CALD1: variants seen among roughly 807,000 people sequenced by gnomAD.
CALD1 encodes caldesmon 1, also known as caldesmon.
A neutral mutation model predicts 99.9 loss-of-function variants in CALD1; 33 were observed. The ratio of observed to expected loss-of-function variants is 0.33; its 90% CI spans 0.25 to 0.44. The LOEUF is 0.44. Among genes scored for constraint, CALD1 ranks in the 20% least tolerant of loss-of-function variants. CALD1 has a pLI of 1.00. For missense variants in CALD1, 861 were observed against 962.1 expected (o/e 0.89, Z 1.39); for synonymous variants, 310 against 325.0 (o/e 0.95, Z 0.50).
chr7:134,754,622 CATGTGTGTTTT>C (rs1796712458), intron 1 of CALD1, among the ~76,000 whole-genome samples: 2 of 152,300 alleles, frequency 1.3e-5, no homozygotes, highest in South Asian at 4.1e-4. Flanking sequence ...GATATTGCTT[CATGTGTGTTTT>C]ATATAACTGG....
At chr7:134,851,381 A>T (rs1800074517) in intron 2 of CALD1, among the ~76,000 whole-genome samples, 1 of 152,216 alleles carries the variant, frequency 6.6e-6, no homozygotes, top group Non-Finnish European at 1.5e-5. Flanking sequence ...TCTACCTGCA[A>T]ACAGTGTTCC....
chr7:134,720,688 C>T, the CALD1 span, among the ~76,000 whole-genome samples: 1 of 152,164 alleles, frequency 6.6e-6, no homozygotes, highest in Non-Finnish European at 1.5e-5. Context: ...TGCACTCATA[C>T]ATGAGCAAGA....
intron 3 of CALD1, among the ~76,000 whole-genome samples, chr7:134,889,023 T>G (rs1271689362): frequency 6.6e-6 from 1 of 152,196 alleles, no homozygotes; most frequent in Non-Finnish European, 1.5e-5. Flanking sequence ...ATTCTGAATA[T>G]GCCAAAACCA....
chr7:134,872,377 A>AAC (rs1563058517), intron 3 of CALD1, among the ~76,000 whole-genome samples: 2 of 134,710 alleles, frequency 1.5e-5, no homozygotes, highest in Non-Finnish European at 3.2e-5. Flanking sequence ...AAAAAAAAAA[A>AAC]AAAAACTTCC....
At chr7:134,743,150 T>A (rs76570188), upstream of CALD1, among the ~76,000 whole-genome samples, 108 of 152,334 alleles carry the variant, frequency 7.1e-4, no homozygotes, top group East Asian at 0.018. Context: ...CTGCTTTAAG[T>A]GCAGTTGGCG....
chr7:134,794,772 A>G (rs12668775), intron 1 of CALD1, among the ~76,000 whole-genome samples: 42,623 of 152,154 alleles, frequency 0.28, 6,990 homozygotes, highest in East Asian at 0.65. Context: ...TACCATGCCC[A>G]GCCTGCTATA....
intron 1 of CALD1, among the ~76,000 whole-genome samples, chr7:134,764,136 A>G (rs1244199529): frequency 1.3e-5 from 2 of 152,042 alleles, no homozygotes; most frequent in Non-Finnish European, 2.9e-5. Context: ...GGAGGACTGT[A>G]TCATTAGCTC....
intron 1 of CALD1, among the ~76,000 whole-genome samples, chr7:134,756,036 C>T (rs1796724683): frequency 6.6e-6 from 1 of 151,932 alleles, no homozygotes; most frequent in Non-Finnish European, 1.5e-5. Flanking sequence ...AAAATACTAC[C>T]TCTACCACCA....
intron 9 of CALD1, among the ~76,000 whole-genome samples, chr7:134,953,406 G>A (rs1183639079): frequency 6.6e-6 from 1 of 152,078 alleles, no homozygotes; most frequent in Non-Finnish European, 1.5e-5. Flanking sequence ...AACCTGGGAG[G>A]CAGAGGTTAG....
At chr7:134,818,586 G>A (rs1586020148) in intron 1 of CALD1, among the ~76,000 whole-genome samples, 1 of 152,170 alleles carries the variant, frequency 6.6e-6, no homozygotes, top group East Asian at 1.9e-4. Context: ...TCAAAGAAAG[G>A]TTCCATGTCT....
upstream of CALD1, among the ~76,000 whole-genome samples, chr7:134,742,678 C>T (rs1276221055): frequency 6.6e-6 from 1 of 152,240 alleles, no homozygotes; most frequent in Non-Finnish European, 1.5e-5. Flanking sequence ...AAAGGAGAAA[C>T]AGCGGTTCCT....
intron 1 of CALD1, among the ~76,000 whole-genome samples, chr7:134,751,904 G>A (rs1387905696): frequency 6.6e-6 from 1 of 152,064 alleles, no homozygotes; most frequent in Non-Finnish European, 1.5e-5. Context: ...TTGAGCCAGG[G>A]GACGGAGGTT....
intron 1 of CALD1, among the ~76,000 whole-genome samples, chr7:134,816,975 AT>A (rs1798587338): frequency 6.6e-6 from 1 of 152,218 alleles, no homozygotes; most frequent in African/African-American, 2.4e-5. Context: ...AATTCATTGA[AT>A]TGGATTACTT....
chr7:134,750,619 AT>A (rs1458949896), intron 1 of CALD1, among the ~76,000 whole-genome samples: 1 of 152,182 alleles, frequency 6.6e-6, no homozygotes, highest in African/African-American at 2.4e-5. Flanking sequence ...AGAAAAAAAA[AT>A]CTACTTTCAC....
intron 3 of CALD1, among the ~76,000 whole-genome samples, chr7:134,917,540 G>A (rs1415299774): frequency 6.6e-6 from 1 of 152,056 alleles, no homozygotes; most frequent in Non-Finnish European, 1.5e-5. Context: ...AGTAGAGACG[G>A]AGTTTCACCA....
At chr7:134,802,419 TTAA>T (rs900743288) in intron 1 of CALD1, among the ~76,000 whole-genome samples, 1 of 98,698 alleles carries the variant, frequency 1.0e-5, no homozygotes, top group African/African-American at 3.2e-5. Flanking sequence ...TTTTTTAAAC[TTAA>T]TAATATTTCA....
chr7:134,967,523 G>T (rs1191887442), intron 14 of CALD1, among the ~76,000 whole-genome samples: 1 of 152,144 alleles, frequency 6.6e-6, no homozygotes, highest in African/African-American at 2.4e-5. Context: ...GGTCAGATAA[G>T]TCTCGTGGGG....
chr7:134,941,309 C>T (rs1184991308), intron 7 of CALD1, 72 bp downstream of exon 7: 8 of 1,238,378 alleles, frequency 6.5e-6, no homozygotes, highest in Non-Finnish European at 7.9e-6. Context: ...TCAGTCTTCC[C>T]ATCCTGTGCT....
chr7:134,714,188 G>A, the CALD1 span, among the ~76,000 whole-genome samples: 1 of 152,116 alleles, frequency 6.6e-6, no homozygotes, highest in Non-Finnish European at 1.5e-5. Flanking sequence ...GCAAAACCGT[G>A]AGCCAATTAA....
Sources: allele counts gnomAD v4.1 joint callset (sites outside exome capture counted in the v4.1 genomes callset), GRCh38; gene constraint gnomAD v4.1.1; transcripts MANE v1.5; gene names NCBI Gene and HGNC (gene_info 2026-07-23, HGNC 2026-07-21).